Variants in EPS15L1 observed in about 807,000 individuals in gnomAD.
EPS15L1 encodes epidermal growth factor receptor substrate 15-like 1.
Under a neutral mutation model 117.1 loss-of-function variants are expected in EPS15L1, and 43 were observed. The ratio of observed to expected loss-of-function variants is 0.37; its 90% CI spans 0.29 to 0.47. The LOEUF is 0.47. Among genes scored for constraint, EPS15L1 ranks in the 20% least tolerant of loss-of-function variants. The probability of loss-of-function intolerance (pLI) is 0.99; values close to 1 mark genes in which losing one functional copy is unlikely to be tolerated. For synonymous variants in EPS15L1, 459 were observed against 470.5 expected (o/e 0.98, Z 0.32); for missense variants, 981 against 1,164.0 (o/e 0.84, Z 2.29).
chr19:16,445,810 T>C (rs17642764), intron 1 of EPS15L1, among the ~76,000 whole-genome samples: 21,097 of 152,176 alleles, frequency 0.14, 1,533 homozygotes, highest in Non-Finnish European at 0.15. Flanking sequence ...GGATGAGGCC[T>C]GCACCGTAAG....
In EPS15L1 at chr19:16,434,710, AG is replaced by A. The variant is rs146800442; in HGVS notation, c.373-221del. ...ATGGCAACCTCGGATCTGGGAGCCA[AG>A]GTCCTCAGGAGGGAGGCCCTGGCCC... On this transcript the variant is annotated intron_variant, in intron 6 of 23. Transcript: ENST00000455140. 2,367 of 453,280 alleles carry A rather than the reference AG, an allele frequency of 5.2e-3. 106 individuals carry two copies. The East Asian group carries it at 0.093, about 18-fold the overall frequency. The allele number at this position is 453,280 out of a possible 1,614,324, so 28.1% of individuals were successfully genotyped here.
At chr19:16,367,497 TAAAAAAA>T (rs71178691) in intron 22 of EPS15L1, among the ~76,000 whole-genome samples, 3 of 65,304 alleles carry the variant, frequency 4.6e-5, no homozygotes, top group Admixed American at 2.0e-4. Context: ...TATGTGCTGT[TAAAAAAA>T]AAAAAAAAAA....
At chr19:16,362,602 C>T (rs939394467) in intron 22 of EPS15L1, among the ~76,000 whole-genome samples, 5 of 139,034 alleles carry the variant, frequency 3.6e-5, no homozygotes, top group African/African-American at 5.4e-5. Flanking sequence ...TGGCTTATTG[C>T]GGCCTTGGCC....
chr19:16,424,937 A>G, intron 9 of EPS15L1, 146 bp downstream of exon 9: 1 of 757,434 alleles, frequency 1.3e-6, no homozygotes, highest in East Asian at 2.7e-5. Flanking sequence ...CTGGGATTAC[A>G]GGCGTGAGCC....
chr19:16,471,416 G>C lies in EPS15L1; in HGVS notation c.33+497C>G, dbSNP rs553434874. Among the ~76,000 whole-genome samples the C allele has an allele frequency of 2.6e-5, 4 of 152,326 alleles. No homozygotes were observed. The East Asian group carries it at 7.7e-4, about 29-fold the overall frequency. On this transcript the variant is annotated intron_variant, in intron 1 of 23. Transcript: ENST00000455140. This position sits in a 1 kb window ranked among gnomAD's most constrained non-coding sequence, Gnocchi z 4.8. Reference sequence around the variant, plus strand: ...GCCCGGAGACGTACGATCTGCGCCCGGTGCAGGGGTGGCGGAAGCAGCTTC... The same window carrying C: ...GCCCGGAGACGTACGATCTGCGCCCCGTGCAGGGGTGGCGGAAGCAGCTTC...
At chr19:16,356,141 G>A (rs1252714370) in intron 23 of EPS15L1, among the ~76,000 whole-genome samples, 1 of 152,234 alleles carries the variant, frequency 6.6e-6, no homozygotes, top group Non-Finnish European at 1.5e-5. Context: ...AGAGAAGTGA[G>A]GATGGGCCCT....
At chr19:16,388,955 A>G (rs1249401523) in intron 19 of EPS15L1, among the ~76,000 whole-genome samples, 7 of 152,184 alleles carry the variant, frequency 4.6e-5, no homozygotes, top group African/African-American at 4.8e-5. Context: ...ATGTCCTTCA[A>G]GAATGACAAC....
chr19:16,383,327 T>C lies in EPS15L1; in HGVS notation c.2247+1802A>G, dbSNP rs552953635. On this transcript the variant is annotated intron_variant, in intron 21 of 23. Transcript: ENST00000455140. The surrounding 1 kb of genome is among the most constrained non-coding windows in gnomAD (Gnocchi z 5.2). ...TAGATCCCGGCCCTAGCTCAGGCTC[T>C]GCTAGCTCTCCCTCCCTCTGCTCAC... 1.3e-5 allele frequency: 2 copies of C among 152,328 alleles called. No individual in the cohort carries two copies. The highest frequency in any genetic ancestry group is 2.9e-5 in the Non-Finnish European group (2 of 68,040). The allele number at this position is 152,328 out of a possible 1,614,324, so 9.4% of individuals were successfully genotyped here. A position where few individuals can be genotyped will look rare whatever the true frequency, so the allele number is the denominator to read the frequency against.
rs573611825 is a variant in EPS15L1 at position 16,469,034 on chromosome 19, T to G, written c.33+2879A>C. On this transcript the variant is annotated intron_variant, in intron 1 of 23. Coordinates refer to ENST00000455140, the MANE Select transcript of EPS15L1 (RefSeq NM_001258374.3). The stretch of plus-strand genomic sequence containing the variant: ...GACCCTGTCTCAAAAATCAAAAAGA[T>G]GACTTCCACAGTGGCGTGGGATTAA... Among the ~76,000 whole-genome samples the G allele has an allele frequency of 3.3e-5, 5 of 152,140 alleles. No homozygotes were observed. In the South Asian group the frequency reaches 1.0e-3, roughly 32 times the overall value.
chr19:16,369,676 AGTGTGTGT>A (rs10543332), intron 22 of EPS15L1, among the ~76,000 whole-genome samples: 7 of 146,040 alleles, frequency 4.8e-5, no homozygotes, highest in African/African-American at 1.3e-4. Flanking sequence ...AAGAAAAAAA[AGTGTGTGT>A]GTGTGTGTGT....
chr19:16,413,764 G>C lies in EPS15L1; in HGVS notation c.1266+9C>G. On this transcript the variant is annotated intron_variant, in intron 13 of 23. Transcript: ENST00000455140. ...AAGTAGATGTAACCAAAACGAACGA[G>C]ACCCTTACCTGCACCTCGCTGGTTT... The C allele has an allele frequency of 6.2e-7, 1 of 1,612,434 alleles. No individual in the cohort carries two copies. Among genetic ancestry groups the C allele is most frequent in the South Asian group, 1.1e-5 (1 of 91,038 alleles).
rs2092224799 is a variant in EPS15L1 at position 16,371,557 on chromosome 19, A to G, written c.2380+5565T>C. ...AAAGGTCATTAGCAGTAATAAAATA[A>G]TCATTAAATTGGGGAGAGGTTAAAG... On this transcript the variant is annotated intron_variant, in intron 22 of 23. Coordinates refer to ENST00000455140, the MANE Select transcript of EPS15L1 (RefSeq NM_001258374.3). This position sits in a 1 kb window ranked among gnomAD's most constrained non-coding sequence, Gnocchi z 4.7. 6.6e-6 allele frequency among the ~76,000 whole-genome samples: 1 copy of G among 152,166 alleles called. No individual in the cohort carries two copies. The highest frequency in any genetic ancestry group is 1.5e-5 in the Non-Finnish European group (1 of 68,038).
intron 1 of EPS15L1, among the ~76,000 whole-genome samples, chr19:16,445,829 G>A (rs1418289268): frequency 6.6e-6 from 1 of 152,226 alleles, no homozygotes; most frequent in African/African-American, 2.4e-5. Context: ...AGAGGCTGCA[G>A]GTGGCACCAG....
At chr19:16,366,639 TCAA>T (rs375316286) in intron 22 of EPS15L1, among the ~76,000 whole-genome samples, 1 of 152,156 alleles carries the variant, frequency 6.6e-6, no homozygotes, top group Non-Finnish European at 1.5e-5. Context: ...AGAAGGAACA[TCAA>T]CAACAACAAC....
At chr19:16,437,932 T>A in intron 4 of EPS15L1, 67 bp from the exon 5 acceptor site, 1 of 1,215,136 alleles carries the variant, frequency 8.2e-7, no homozygotes, top group Non-Finnish European at 1.2e-6. Flanking sequence ...GAGCTGTCTC[T>A]AACAGCAGGC....
At chr19:16,462,638 A>G (rs2093264373) in intron 1 of EPS15L1, among the ~76,000 whole-genome samples, 1 of 152,298 alleles carries the variant, frequency 6.6e-6, no homozygotes, top group Admixed American at 6.5e-5. Flanking sequence ...ATTACACTCC[A>G]GCCTGGGTGA....
intron 1 of EPS15L1, among the ~76,000 whole-genome samples, chr19:16,460,078 C>T (rs1478916348): frequency 6.6e-6 from 1 of 152,134 alleles, no homozygotes; most frequent in Non-Finnish European, 1.5e-5. Context: ...AATTCAAGAC[C>T]AGCCTGGGCA....
At chr19:16,469,185 T>C (rs1269141883) in intron 1 of EPS15L1, among the ~76,000 whole-genome samples, 2 of 151,952 alleles carry the variant, frequency 1.3e-5, no homozygotes, top group African/African-American at 2.4e-5. Context: ...TTCTGGACTC[T>C]AGAAGGCAGG....
chr19:16,408,953 G>A (rs1472187560), intron 13 of EPS15L1, among the ~76,000 whole-genome samples: 1 of 152,152 alleles, frequency 6.6e-6, no homozygotes, highest in East Asian at 1.9e-4. Flanking sequence ...CCAGCATGGT[G>A]GCTCACACCT....
Sources: gnomAD v4.1 joint callset for allele counts (sites outside exome capture counted in the v4.1 genomes callset) on GRCh38, gnomAD v4.1.1 for gene constraint, Gnocchi (gnomAD v3.1) non-coding constraint, MANE v1.5 for transcripts, NCBI Gene and HGNC (gene_info 2026-07-23, HGNC 2026-07-21) for gene names.